The following PUS7 variants were observed in gnomAD, a reference collection of about 807,000 sequenced individuals.
PUS7 encodes the protein pseudouridylate synthase 7 homolog.
Under a neutral mutation model 79.8 loss-of-function variants are expected in PUS7, and 48 were observed. The ratio of observed to expected loss-of-function variants is 0.60; its 90% CI spans 0.48 to 0.76. The LOEUF is 0.76. Among genes scored for constraint, PUS7 ranks in the 30% least tolerant of loss-of-function variants. The pLI is 0.00. For missense variants in PUS7, 729 were observed against 797.6 expected, an observed-to-expected ratio of 0.91 and a Z score of 1.04; for synonymous variants, 286 against 272.2, an observed-to-expected ratio of 1.05 and a Z score of -0.50.
intron 4 of PUS7, among the ~76,000 whole-genome samples, chr7:105,505,018 T>TTTTTTTTTTTTTTTTTTTTTA (rs1562815532): frequency 6.7e-6 from 1 of 150,258 alleles, no homozygotes; most frequent in African/African-American, 2.4e-5. Flanking sequence ...TTTTTTTTTT[T>TTTTTTTTTTTTTTTTTTTTTA]GATATGGAGT....
chr7:105,464,894 C>T (rs1002911058), intron 13 of PUS7, among the ~76,000 whole-genome samples: 3 of 147,026 alleles, frequency 2.0e-5, no homozygotes, highest in African/African-American at 7.6e-5. Flanking sequence ...TCTTGGCACA[C>T]TGCAACCTCT....
intron 5 of PUS7, 120 bp downstream of exon 5, chr7:105,502,300 C>A: frequency 8.1e-7 from 1 of 1,241,176 alleles, no homozygotes; most frequent in Non-Finnish European, 1.1e-6. Context: ...GGGACATGAT[C>A]AATATTGTTC....
chr7:105,480,804 A>T (rs1824290219), intron 9 of PUS7, among the ~76,000 whole-genome samples: 2 of 151,910 alleles, frequency 1.3e-5, no homozygotes, highest in South Asian at 4.1e-4. Flanking sequence ...AAAATAAAAT[A>T]AAAAAATAAA....
At chr7:105,495,883 G>A (rs542145073) in intron 5 of PUS7, among the ~76,000 whole-genome samples, 7 of 152,080 alleles carry the variant, frequency 4.6e-5, no homozygotes, top group South Asian at 2.1e-4. Context: ...GATTTAGGCC[G>A]AGTGTAATCC....
chr7:105,520,546 AT>A (rs1373057085), intron 1 of PUS7, among the ~76,000 whole-genome samples: 11 of 150,260 alleles, frequency 7.3e-5, no homozygotes, highest in Non-Finnish European at 1.3e-4. Context: ...AAATAAATAA[AT>A]AAATAAATAA....
At chr7:105,491,315 A>G (rs970402236) in intron 7 of PUS7, among the ~76,000 whole-genome samples, 5 of 152,240 alleles carry the variant, frequency 3.3e-5, no homozygotes, top group African/African-American at 1.2e-4. Context: ...AAAGAGAGAA[A>G]GAAGCATTAT....
intron 6 of PUS7, among the ~76,000 whole-genome samples, chr7:105,494,554 C>A (rs981380099): frequency 5.9e-5 from 9 of 152,158 alleles, no homozygotes; most frequent in Non-Finnish European, 8.8e-5. Context: ...ACACTACAGG[C>A]ACATGCCACC....
chr7:105,508,123 T>A lies in PUS7; in HGVS notation c.390A>T (p.Leu130Phe). The change falls in exon 2 of 16, where the codon TTA becomes TTT. Residue 130 changes from leucine (L) to phenylalanine (F), a missense_variant. Transcript: ENST00000469408. ...VSSHQGFSGI[L>F]KERYSDFVVH... is the part of the protein sequence containing the mutation. ...TCATAAACTAAATGTACCTTTCTTT[T>A]AAGATTCCCGAGAACCCTTGATGAG... The A allele has an allele frequency of 6.2e-7, 1 of 1,609,560 alleles. No homozygotes were observed. Among genetic ancestry groups the A allele is most frequent in the Non-Finnish European group, 8.5e-7 (1 of 1,177,808 alleles).
At chr7:105,484,781 G>A (rs918553696) in intron 7 of PUS7, among the ~76,000 whole-genome samples, 1 of 147,528 alleles carries the variant, frequency 6.8e-6, no homozygotes, top group Non-Finnish European at 1.5e-5. Flanking sequence ...TCGTGCCACT[G>A]CACTCCAGCT....
In PUS7 at chr7:105,506,245, C is replaced by T. The variant is rs1335616458; in HGVS notation, c.427G>A (p.Gly143Arg). The T allele has an allele frequency of 6.2e-7, 1 of 1,613,074 alleles. No homozygotes were observed. Among genetic ancestry groups the T allele is most frequent in the Non-Finnish European group, 8.5e-7 (1 of 1,179,666 alleles). ...AAATGGCTGATCCGTCCATCTTTTC[C>T]TATTTCATGAACAACGAAGTCGGAG... ...RYSDFVVHEI[G>R]KDGRISHLND... Residue 143 changes from glycine to arginine, a missense_variant, in exon 3 of 16, where the codon GGA (glycine) becomes AGA (arginine). Transcript: ENST00000469408.
chr7:105,494,770 G>C (rs1824938123), intron 6 of PUS7, among the ~76,000 whole-genome samples: 1 of 151,860 alleles, frequency 6.6e-6, no homozygotes, highest in African/African-American at 2.4e-5. Context: ...TTGAGCACAG[G>C]AGTTCGAGAC....
intron 5 of PUS7, among the ~76,000 whole-genome samples, chr7:105,497,339 T>C (rs1025151717): frequency 3.9e-5 from 6 of 152,228 alleles, no homozygotes; most frequent in African/African-American, 7.2e-5. Flanking sequence ...TGGGAGGACA[T>C]GTACCAAAAT....
rs3832506 is a variant in PUS7, at chr7:105,500,363, TGA to T, written c.730+2055_730+2056del. Among the ~76,000 whole-genome samples the T allele has an allele frequency of 7.2e-5, 11 of 152,152 alleles. No individual in the cohort carries two copies. In the East Asian group the frequency reaches 1.9e-3, roughly 27 times the overall value. ...AGAAAATGTGGATAAAAACACAACATGAGAGACCTGGCGCTGTGTTTAATGAA... is the reference window on the plus strand; with the variant it reads ...AGAAAATGTGGATAAAAACACAACATGAGACCTGGCGCTGTGTTTAATGAA... On this transcript the variant is annotated intron_variant, in intron 5 of 15. Coordinates refer to ENST00000469408, the MANE Select transcript of PUS7 (RefSeq NM_019042.5).
At chr7:105,491,494 G>T in intron 7 of PUS7, 46 bp downstream of exon 7, 1 of 1,242,710 alleles carries the variant, frequency 8.0e-7, no homozygotes, top group Non-Finnish European at 1.1e-6. Flanking sequence ...GAAAAGCAGT[G>T]CCAGGATATT....
At chr7:105,514,956 A>G (rs1033846771) in intron 1 of PUS7, among the ~76,000 whole-genome samples, 45 of 152,132 alleles carry the variant, frequency 3.0e-4, no homozygotes, top group Middle Eastern at 3.4e-3. Flanking sequence ...CACCACGCCT[A>G]GCTAATTTTT....
intron 1 of PUS7, among the ~76,000 whole-genome samples, chr7:105,520,808 C>G (rs1379049175): frequency 6.6e-6 from 1 of 151,996 alleles, no homozygotes; most frequent in East Asian, 1.9e-4. Flanking sequence ...GAGGTCAAAG[C>G]AGGAGGATTG....
At chr7:105,458,484 C>T (rs543815436) in intron 15 of PUS7, among the ~76,000 whole-genome samples, 20 of 150,986 alleles carry the variant, frequency 1.3e-4, no homozygotes, top group African/African-American at 4.4e-4. Context: ...CCAGGCTGGT[C>T]TGGAACTCCT....
intron 4 of PUS7, among the ~76,000 whole-genome samples, chr7:105,503,022 C>CAAA (rs1825318030): frequency 3.3e-5 from 5 of 152,146 alleles, no homozygotes; most frequent in African/African-American, 1.2e-4. Context: ...CAGAGCTTCC[C>CAAA]AATATTGCAA....
chr7:105,492,923 G>C (rs1192177977), intron 6 of PUS7, among the ~76,000 whole-genome samples: 1 of 152,182 alleles, frequency 6.6e-6, no homozygotes, highest in African/African-American at 2.4e-5. Flanking sequence ...GATTACAGGG[G>C]TGAGCCACTG....
Sources: allele counts gnomAD v4.1 joint callset (sites outside exome capture counted in the v4.1 genomes callset), GRCh38; gene constraint gnomAD v4.1.1; transcripts MANE v1.5; gene names NCBI Gene and HGNC (gene_info 2026-07-23, HGNC 2026-07-21).